The following MTMR7 variants were observed in gnomAD, a reference collection of about 807,000 sequenced individuals.
The protein encoded by MTMR7 is phosphatidylinositol-3-phosphate phosphatase MTMR7.
A neutral mutation model predicts 81.2 loss-of-function variants in MTMR7; 76 were observed. The ratio of observed to expected loss-of-function variants is 0.94; its 90% CI spans 0.78 to 1.13. The LOEUF (loss-of-function observed/expected upper bound fraction) is 1.13. Among genes scored for constraint, MTMR7 ranks in the 50% most tolerant of loss-of-function variants. The pLI is 0.00. For missense variants in MTMR7, 1,044 were observed against 820.0 expected, an observed-to-expected ratio of 1.27 and a Z score of -3.34; for synonymous variants, 372 against 289.8, an observed-to-expected ratio of 1.28 and a Z score of -2.88.
At chr8:17,311,831 C>A in intron 8 of MTMR7, 195 bp from the exon 9 acceptor site, 1 of 739,214 alleles carries the variant, frequency 1.4e-6, no homozygotes, top group Non-Finnish European at 2.2e-6. Context: ...AAAGCTTTCC[C>A]TTCCCATTCT....
intron 1 of MTMR7, among the ~76,000 whole-genome samples, chr8:17,412,716 A>ATTG (rs1821768967): frequency 1.3e-5 from 2 of 152,170 alleles, no homozygotes; most frequent in African/African-American, 2.4e-5. Flanking sequence ...TTCAACCTAC[A>ATTG]ATGAATATTG....
At chr8:17,396,304 T>C (rs1821246766) in intron 1 of MTMR7, among the ~76,000 whole-genome samples, 1 of 152,172 alleles carries the variant, frequency 6.6e-6, no homozygotes, top group Non-Finnish European at 1.5e-5. Context: ...TAACTTTGTA[T>C]TGCTGAAAGA....
At chr8:17,357,868 T>C (rs916589831) in intron 4 of MTMR7, among the ~76,000 whole-genome samples, 4 of 152,184 alleles carry the variant, frequency 2.6e-5, no homozygotes, top group Non-Finnish European at 5.9e-5. Flanking sequence ...GTCCTGTGTA[T>C]GCCATAAGTG....
chr8:17,354,433 T>C (rs1338313900), intron 4 of MTMR7, among the ~76,000 whole-genome samples: 1 of 152,118 alleles, frequency 6.6e-6, no homozygotes, highest in East Asian at 1.9e-4. Flanking sequence ...AAAGACAATT[T>C]CAAGGGTTAG....
At chr8:17,406,047 C>G (rs1226065921) in intron 1 of MTMR7, among the ~76,000 whole-genome samples, 1 of 152,104 alleles carries the variant, frequency 6.6e-6, no homozygotes, top group African/African-American at 2.4e-5. Flanking sequence ...CTCCTTTGAA[C>G]TAAATTTTCT....
Position 17,395,548 on chromosome 8 carries a change from G to A in MTMR7, c.24+17721C>T, listed in dbSNP as rs183469747. Among the ~76,000 whole-genome samples the A allele has an allele frequency of 2.6e-5, 4 of 152,244 alleles. No individual in the cohort carries two copies. In the East Asian group the frequency reaches 7.7e-4, roughly 29 times the overall value. ...TACATTATCACCAACAATGCACAAG[G>A]GTTCCAATTTCTCCACAACCTTTGC... On this transcript the variant is annotated intron_variant, in intron 1 of 13. Coordinates refer to ENST00000180173, the MANE Select transcript of MTMR7 (RefSeq NM_004686.5).
chr8:17,372,573 G>A (rs977322707), intron 2 of MTMR7, among the ~76,000 whole-genome samples: 6 of 151,976 alleles, frequency 3.9e-5, no homozygotes, highest in Admixed American at 3.9e-4. Flanking sequence ...GGGCAACAGA[G>A]TAAGACTCCA....
chr8:17,390,010 CT>C (rs1821055463), intron 1 of MTMR7, among the ~76,000 whole-genome samples: 1 of 151,170 alleles, frequency 6.6e-6, no homozygotes, highest in South Asian at 2.1e-4. Flanking sequence ...GATAAAGTCA[CT>C]GCTCACATGG....
chr8:17,347,683 T>A (rs1049707475), intron 5 of MTMR7, among the ~76,000 whole-genome samples: 2 of 152,240 alleles, frequency 1.3e-5, no homozygotes, highest in African/African-American at 4.8e-5. Context: ...TTTTGCTACC[T>A]TTTAAAAGTG....
intron 4 of MTMR7, among the ~76,000 whole-genome samples, chr8:17,359,417 G>C (rs929299217): frequency 6.6e-6 from 1 of 151,792 alleles, no homozygotes; most frequent in Non-Finnish European, 1.5e-5. Context: ...GAGCAACATG[G>C]GGAGAACTTA....
At chr8:17,323,140 G>T (rs543458788) in intron 7 of MTMR7, among the ~76,000 whole-genome samples, 1 of 151,684 alleles carries the variant, frequency 6.6e-6, no homozygotes, top group Admixed American at 6.6e-5. Flanking sequence ...TAGAGATGGG[G>T]TTTCACCATG....
chr8:17,379,137 A>G (rs569945261), intron 1 of MTMR7, among the ~76,000 whole-genome samples: 1 of 152,272 alleles, frequency 6.6e-6, no homozygotes, highest in South Asian at 2.1e-4. Context: ...TGCTGCTGAG[A>G]TGGAGTAAGG....
intron 5 of MTMR7, among the ~76,000 whole-genome samples, chr8:17,348,249 G>A (rs552891266): frequency 6.6e-6 from 1 of 151,964 alleles, no homozygotes; most frequent in Non-Finnish European, 1.5e-5. Flanking sequence ...TTAAAAACAG[G>A]TAATAAGGCC....
chr8:17,339,488 C>T (rs2150540257), intron 6 of MTMR7, among the ~76,000 whole-genome samples: 1 of 152,288 alleles, frequency 6.6e-6, no homozygotes, highest in East Asian at 1.9e-4. Flanking sequence ...TCTGAAATTG[C>T]CTGTTGAAAG....
rs1816691264 is a variant in MTMR7, at chr8:17,296,906, A to T, written c.*2956T>A. 1 of 152,218 alleles carries T rather than the reference A, an allele frequency of 6.6e-6. No individual in the cohort carries two copies. Among genetic ancestry groups the T allele is most frequent in the African/African-American group, 2.4e-5 (1 of 41,458 alleles). The allele number at this position is 152,218 out of a possible 1,614,324, so 9.4% of individuals were successfully genotyped here. A position where few individuals can be genotyped will look rare whatever the true frequency, so the allele number is the denominator to read the frequency against. The stretch of plus-strand genomic sequence containing the variant: ...AGTCATGAAACAGAGCAGTGTGATC[A>T]GTTATCTGCATTTAACAAATAGACA... On this transcript the variant is annotated 3_prime_UTR_variant, in exon 14 of 14. Transcript: ENST00000180173.
chr8:17,341,063 T>G (rs932665976), intron 6 of MTMR7, among the ~76,000 whole-genome samples: 1 of 152,220 alleles, frequency 6.6e-6, no homozygotes, highest in African/African-American at 2.4e-5. Flanking sequence ...CAAGTACTAA[T>G]ACGGTATACT....
intron 1 of MTMR7, among the ~76,000 whole-genome samples, chr8:17,384,177 G>A (rs1243697774): frequency 2.0e-5 from 3 of 152,132 alleles, no homozygotes; most frequent in Non-Finnish European, 4.4e-5. Context: ...TTAGGAGGCT[G>A]AGGCAGGAAG....
rs1165079157 is a variant in MTMR7 at position 17,387,356 on chromosome 8, T to C, written c.25-14116A>G. 2.0e-5 allele frequency among the ~76,000 whole-genome samples: 3 copies of C among 152,202 alleles called. No individual in the cohort carries two copies. The East Asian group carries it at 5.8e-4, about 29-fold the overall frequency. On this transcript the variant is annotated intron_variant, in intron 1 of 13. Transcript: ENST00000180173. ...AGTACGGAGGTACAGATTTGAAGAC[T>C]AAGACCCAGTTTCAAATAGACTCAC...
intron 1 of MTMR7, among the ~76,000 whole-genome samples, chr8:17,411,453 G>A (rs369969494): frequency 2.0e-5 from 3 of 152,140 alleles, no homozygotes; most frequent in African/African-American, 7.2e-5. Context: ...GTTCCTGGAC[G>A]CTTCCAGCAC....
Sources: gnomAD v4.1 joint callset for allele counts (sites outside exome capture counted in the v4.1 genomes callset) on GRCh38, gnomAD v4.1.1 for gene constraint, MANE v1.5 for transcripts, NCBI Gene and HGNC (gene_info 2026-07-23, HGNC 2026-07-21) for gene names.